Variants in S100A8 observed in about 807,000 individuals in gnomAD.
S100A8 encodes protein S100-A8.
In S100A8, 1 loss-of-function variant was observed where a neutral mutation model predicts 4.2. The observed-to-expected ratio is 0.24, with a 90% CI of 0.08 to 1.12. S100A8 has a LOEUF of 1.12. Among genes scored for constraint, S100A8 ranks in the 50% most tolerant of loss-of-function variants. S100A8 has a pLI of 0.53. For synonymous variants in S100A8, 41 were observed against 44.7 expected (o/e 0.92, Z 0.33); for missense variants, 96 against 111.8 (o/e 0.86, Z 0.64).
At chr1:153,400,527 T>C in the S100A8 span, among the ~76,000 whole-genome samples, 8 of 152,168 alleles carry the variant, frequency 5.3e-5, no homozygotes, top group African/African-American at 1.9e-4. Context: ...AACCAGAGAC[T>C]CCATCTATGC....
At chr1:153,392,581 C>G (rs765093121), upstream of S100A8, among the ~76,000 whole-genome samples, 15 of 152,180 alleles carry the variant, frequency 9.9e-5, no homozygotes, top group Non-Finnish European at 1.5e-5. Flanking sequence ...GTGGAAGCAA[C>G]CCAAGTGTCC....
the S100A8 span, among the ~76,000 whole-genome samples, chr1:153,415,762 T>C: frequency 1.5e-4 from 23 of 151,894 alleles, no homozygotes; most frequent in Non-Finnish European, 2.9e-4. Context: ...GTGAGGCCCC[T>C]GACCCCAGTC....
chr1:153,404,967 A>C, the S100A8 span, among the ~76,000 whole-genome samples: 58 of 152,000 alleles, frequency 3.8e-4, no homozygotes, highest in Non-Finnish European at 4.7e-4. Context: ...AATTCTCTGC[A>C]CTCAGGGCCA....
chr1:153,394,959 A>G (rs1662181906), upstream of S100A8, among the ~76,000 whole-genome samples: 1 of 152,204 alleles, frequency 6.6e-6, no homozygotes, highest in Non-Finnish European at 1.5e-5. Flanking sequence ...CTCAGAAAAG[A>G]CAACCCTCTA....
the S100A8 span, chr1:153,417,977 T>TA: frequency 6.7e-7 from 1 of 1,501,566 alleles, no homozygotes; most frequent in Non-Finnish European, 9.0e-7. Context: ...GGGCTGTTTT[T>TA]ACTCTGTCCT....
Position 153,390,325 on chromosome 1 carries a change from G to T in S100A8, c.141+70C>A, listed in dbSNP as rs998675392. On this transcript the variant is annotated intron_variant, in intron 2 of 2. Transcript: ENST00000368733. ...CATAGCCATCTATGAAGGGTGGCAG[G>T]GAGGACCGCTGGCCCAGGGCAGCCC... is the stretch of plus-strand genomic sequence containing the variant. 44 of 1,603,668 alleles carry T rather than the reference G, an allele frequency of 2.7e-5. No individual in the cohort carries two copies. In the African/African-American group the frequency reaches 5.8e-4, roughly 21 times the overall value.
At chr1:153,416,232 A>G in the S100A8 span, among the ~76,000 whole-genome samples, 1 of 152,306 alleles carries the variant, frequency 6.6e-6, no homozygotes, top group African/African-American at 2.4e-5. Flanking sequence ...CCAGAGGCCC[A>G]GTGCTCTTTT....
At chr1:153,394,432 T>A (rs1471088262), upstream of S100A8, among the ~76,000 whole-genome samples, 2 of 152,150 alleles carry the variant, frequency 1.3e-5, no homozygotes, top group Non-Finnish European at 2.9e-5. Flanking sequence ...GCCAGGGGCC[T>A]GCAGGAAGGA....
the S100A8 span, among the ~76,000 whole-genome samples, chr1:153,396,996 A>G: frequency 9.9e-5 from 15 of 152,226 alleles, no homozygotes; most frequent in Admixed American, 2.6e-4. Flanking sequence ...AGCTAGCTGC[A>G]TGTGTGCAGA....
chr1:153,416,467 C>T, the S100A8 span: 1 of 376,440 alleles, frequency 2.7e-6, no homozygotes, highest in Non-Finnish European at 5.4e-6. Flanking sequence ...GCCTCCCAAC[C>T]CGTGGGAAGA....
the S100A8 span, among the ~76,000 whole-genome samples, chr1:153,397,832 C>A: frequency 6.6e-6 from 1 of 152,166 alleles, no homozygotes; most frequent in Admixed American, 6.5e-5. Context: ...CAGCTTCCCT[C>A]ACCTCGGCCC....
chr1:153,395,503 GCCTC>G (rs1231767458), upstream of S100A8, among the ~76,000 whole-genome samples: 1 of 151,946 alleles, frequency 6.6e-6, no homozygotes, highest in African/African-American at 2.4e-5. Context: ...TTCTGATGCC[GCCTC>G]CCTCCCTTCC....
the S100A8 span, among the ~76,000 whole-genome samples, chr1:153,412,054 A>G: frequency 1.9e-4 from 29 of 152,366 alleles, no homozygotes; most frequent in East Asian, 3.3e-3. Context: ...AGGCAATACC[A>G]TTCAGGACAT....
At chr1:153,400,221 G>A in the S100A8 span, among the ~76,000 whole-genome samples, 22 of 152,212 alleles carry the variant, frequency 1.4e-4, no homozygotes, top group Non-Finnish European at 3.2e-4. Flanking sequence ...TGGACGGGAG[G>A]TGAAAGAGAA....
chr1:153,395,446 C>A (rs575915061), upstream of S100A8, among the ~76,000 whole-genome samples: 1 of 152,268 alleles, frequency 6.6e-6, no homozygotes, highest in African/African-American at 2.4e-5. Context: ...TCTGGATCCT[C>A]CTCTCCCTCA....
At chr1:153,392,767 A>G (rs1198318198), upstream of S100A8, among the ~76,000 whole-genome samples, 2 of 152,180 alleles carry the variant, frequency 1.3e-5, no homozygotes, top group Non-Finnish European at 2.9e-5. Context: ...GCATTGCACA[A>G]GGGCATGAGC....
At chr1:153,411,638 A>G in the S100A8 span, among the ~76,000 whole-genome samples, 2 of 152,160 alleles carry the variant, frequency 1.3e-5, no homozygotes, top group African/African-American at 2.4e-5. Flanking sequence ...CTACTTTAAA[A>G]TTCATATGGA....
At chr1:153,403,882 G>T in the S100A8 span, among the ~76,000 whole-genome samples, 1 of 152,066 alleles carries the variant, frequency 6.6e-6, no homozygotes, top group African/African-American at 2.4e-5. Flanking sequence ...CCAAGAGTTA[G>T]CACAGACCCC....
upstream of S100A8, chr1:153,391,275 G>T: frequency 1.1e-6 from 1 of 878,476 alleles, no homozygotes; most frequent in Non-Finnish European, 1.4e-6. Context: ...CATTTGCTGG[G>T]CAATAGTGCC....
Sources: gnomAD v4.1 joint callset for allele counts (sites outside exome capture counted in the v4.1 genomes callset) on GRCh38, gnomAD v4.1.1 for gene constraint, MANE v1.5 for transcripts, NCBI Gene and HGNC (gene_info 2026-07-23, HGNC 2026-07-21) for gene names.